Variants in SYNPO2 observed in about 807,000 individuals in gnomAD.
SYNPO2 encodes the protein synaptopodin 2, also known as synaptopodin-2.
SYNPO2 carries 56 observed loss-of-function variants against 85.0 expected under a neutral mutation model. The observed-to-expected ratio is 0.66, with a 90% confidence interval of 0.53 to 0.82. The LOEUF is 0.82. SYNPO2 is among the 40% of genes least tolerant of loss of function. The pLI is 0.00. For missense variants in SYNPO2, 1,575 were observed against 1,534.2 expected (o/e 1.03, Z -0.44); for synonymous variants, 602 against 591.1 (o/e 1.02, Z -0.27).
rs1738434670 is a variant in SYNPO2, at chr4:119,034,790, G to A, written c.3252+2763G>A. On this transcript the variant is annotated intron_variant, in intron 4 of 4. Transcript: ENST00000307142. Reference sequence around the variant, plus strand: ...GCTATATGTGCCACCTTTCAGGTTGGGGCCAAGGAAGTGATGTCAGTGTGA... The same window carrying A: ...GCTATATGTGCCACCTTTCAGGTTGAGGCCAAGGAAGTGATGTCAGTGTGA... The A allele has an allele frequency of 1.1e-5, 11 of 985,492 alleles. No homozygotes were observed. The South Asian group carries it at 1.4e-4, about 13-fold the overall frequency. The allele number at this position is 985,492 out of a possible 1,614,324, so 61.0% of individuals were successfully genotyped here.
chr4:118,955,377 TAA>T (rs906501932), intron 1 of SYNPO2, among the ~76,000 whole-genome samples: 1 of 152,192 alleles, frequency 6.6e-6, no homozygotes, highest in Non-Finnish European at 1.5e-5. Flanking sequence ...ATAGAAATGA[TAA>T]TTCAGCAATA....
chr4:118,967,082 A>G (rs572177930), intron 1 of SYNPO2, among the ~76,000 whole-genome samples: 2 of 152,348 alleles, frequency 1.3e-5, no homozygotes, highest in East Asian at 1.9e-4. Context: ...ATGAATTCTT[A>G]TAACAACCTT....
intron 4 of SYNPO2, chr4:119,034,014 T>A (rs1483519310): frequency 9.2e-5 from 91 of 985,322 alleles, no homozygotes; most frequent in Non-Finnish European, 1.1e-4. Flanking sequence ...AACCACAGGA[T>A]GTAGCTTGGT....
chr4:118,927,428 A>C (rs1473139910), intron 1 of SYNPO2, among the ~76,000 whole-genome samples: 1 of 152,144 alleles, frequency 6.6e-6, no homozygotes, highest in Non-Finnish European at 1.5e-5. Context: ...GAGGAAACTG[A>C]GGCCTAGAAA....
At chr4:118,988,312 GT>G (rs373738381) in intron 1 of SYNPO2, among the ~76,000 whole-genome samples, 5,430 of 143,636 alleles carry the variant, frequency 0.038, 140 homozygotes, top group Middle Eastern at 0.07. Context: ...ATAATTTAGT[GT>G]TTTTTTTTTT....
intron 1 of SYNPO2, among the ~76,000 whole-genome samples, chr4:119,008,523 T>C (rs1383530896): frequency 6.6e-6 from 1 of 152,032 alleles, no homozygotes; most frequent in Non-Finnish European, 1.5e-5. Flanking sequence ...GAAATTATGA[T>C]ATGTTATTAT....
Position 119,057,968 on chromosome 4 carries a change from T to C in SYNPO2, c.*34T>C, listed in dbSNP as rs1365365822. 1 of 1,555,364 alleles carries C rather than the reference T, an allele frequency of 6.4e-7. No individual in the cohort carries two copies. Among genetic ancestry groups the C allele is most frequent in the Non-Finnish European group, 8.6e-7 (1 of 1,159,714 alleles). ...AGAACGGATCATGTGCCAACTGTAGTTTTTTAAAAAAAACGCTCCTTTGTA... is the reference window on the plus strand; with the variant it reads ...AGAACGGATCATGTGCCAACTGTAGCTTTTTAAAAAAAACGCTCCTTTGTA... On this transcript the variant is annotated 3_prime_UTR_variant, in exon 5 of 5. Transcript: ENST00000307142.
intron 1 of SYNPO2, among the ~76,000 whole-genome samples, chr4:118,996,967 G>T (rs529783106): frequency 3.3e-5 from 5 of 150,564 alleles, no homozygotes; most frequent in African/African-American, 1.2e-4. Context: ...AAGGCCGGGC[G>T]CGGTGGCTCA....
intron 1 of SYNPO2, among the ~76,000 whole-genome samples, chr4:118,911,741 A>T (rs1410616799): frequency 5.3e-5 from 8 of 152,206 alleles, no homozygotes; most frequent in Non-Finnish European, 1.0e-4. Context: ...AGCTCTTTAG[A>T]TCATTAATTC....
At position 119,057,681 on chromosome 4, in the gene SYNPO2, A is replaced by G. The variant is rs546859321; in HGVS notation, c.3533A>G (p.Glu1178Gly). 15 of 1,614,198 alleles carry G rather than the reference A, an allele frequency of 9.3e-6. No homozygotes were observed. Among genetic ancestry groups the G allele is most frequent in the Admixed American group, 8.3e-5 (5 of 60,022 alleles). Residue 1178 changes from glutamate (E) to glycine (G), a missense_variant, in exon 5 of 5, where the codon GAA becomes GGA. Glu to Gly is a moderately conservative substitution (Grantham distance 98, BLOSUM62 -2). Transcript: ENST00000307142. ...CCAGGGCCTCCAGAGGATTGGAATG[A>G]AAGACTGTCCTATATTCCTCAAACC... ...VLPGPPEDWN[E>G]RLSYIPQTQK...
chr4:118,918,237 T>A (rs1733419397), intron 1 of SYNPO2, among the ~76,000 whole-genome samples: 1 of 152,188 alleles, frequency 6.6e-6, no homozygotes, highest in Non-Finnish European at 1.5e-5. Flanking sequence ...AAACCAGATG[T>A]CTTAATGTTT....
intron 1 of SYNPO2, among the ~76,000 whole-genome samples, chr4:118,913,219 G>A (rs1733199400): frequency 6.6e-6 from 1 of 152,126 alleles, no homozygotes; most frequent in Non-Finnish European, 1.5e-5. Context: ...TTAATATAAT[G>A]TATTATGAAA....
At chr4:118,885,597 C>T (rs567100739), upstream of SYNPO2, among the ~76,000 whole-genome samples, 34 of 152,062 alleles carry the variant, frequency 2.2e-4, no homozygotes, top group Non-Finnish European at 3.7e-4. Flanking sequence ...CTCAGCCTCC[C>T]GAGTAGCTGG....
In SYNPO2 at chr4:118,889,041, G is replaced by A; in HGVS notation, c.5G>A (p.Gly2Asp). 1 of 1,614,108 alleles carries A rather than the reference G, an allele frequency of 6.2e-7. No homozygotes were observed. The highest frequency in any genetic ancestry group is 1.3e-5 in the African/African-American group (1 of 75,032). Residue 2 changes from glycine (G) to aspartate (D), a missense_variant, in exon 1 of 5, where the codon GGC (glycine) becomes GAC (aspartate). Gly to Asp is a moderately conservative substitution (Grantham distance 94, BLOSUM62 -1). This residue lies in a region of SYNPO2 where 55 missense variants were observed against 55.5 expected (regional missense o/e 0.99). Coordinates refer to ENST00000307142, the MANE Select transcript of SYNPO2 (RefSeq NM_133477.3). M[G>D]TGDFICISMT... ...CTGCCCAACTAAAAGGAAAACATGG[G>A]CACAGGGGATTTTATCTGCATTTCC...
At chr4:118,954,148 G>A (rs1239639220) in intron 1 of SYNPO2, among the ~76,000 whole-genome samples, 1 of 152,150 alleles carries the variant, frequency 6.6e-6, no homozygotes, top group Non-Finnish European at 1.5e-5. Flanking sequence ...ATATTACAAA[G>A]CTGTACTTTC....
At chr4:118,865,222 C>T (rs1731679552) in intron 1 of SYNPO2, among the ~76,000 whole-genome samples, 1 of 152,196 alleles carries the variant, frequency 6.6e-6, no homozygotes, top group Non-Finnish European at 1.5e-5. Context: ...CAGCAGCTGC[C>T]ACTGGAACTC....
rs1739259507 is a variant in SYNPO2 at position 119,057,755 on chromosome 4, GCC to G, written c.3608_3609del (p.Ala1203GlufsTer2). On this transcript the variant is annotated frameshift_variant, in exon 5 of 5. Transcript: ENST00000307142. LOFTEE classifies it low-confidence loss of function (END_TRUNC). The part of the protein sequence containing the change: ...SCGRQEYNVT[A>X]NNNMSTTSQY... ...TGGAAGGCAAGAGTATAATGTCACA[GCC>G]AATAATAATATGTCCACCACCTCCC... is the stretch of plus-strand genomic sequence containing the variant. 6.2e-7 allele frequency: 1 copy of G among 1,613,976 alleles called. No individual in the cohort carries two copies. Among genetic ancestry groups the G allele is most frequent in the African/African-American group, 1.3e-5 (1 of 74,888 alleles).
intron 1 of SYNPO2, among the ~76,000 whole-genome samples, chr4:118,899,779 G>C (rs996465904): frequency 6.6e-6 from 1 of 151,932 alleles, no homozygotes; most frequent in Non-Finnish European, 1.5e-5. Context: ...TTTTGTTTTT[G>C]AGACGCAGCC....
chr4:119,033,656 T>C lies in SYNPO2; in HGVS notation c.3252+1629T>C, dbSNP rs552521181. On this transcript the variant is annotated intron_variant, in intron 4 of 4. Transcript: ENST00000307142. ...TTTTAATCTTCTGAAAATATCTGTA[T>C]TCCTGCTCTTTTTCTGCTGTCACTG... 1.3e-5 allele frequency: 13 copies of C among 985,436 alleles called. No homozygotes were observed. The East Asian group carries it at 1.4e-3, about 103-fold the overall frequency. 61.0% of individuals were successfully genotyped at this position (985,436 alleles called of 1,614,324 possible). A position where few individuals can be genotyped will look rare whatever the true frequency, so the allele number is the denominator to read the frequency against.
Sources: allele counts gnomAD v4.1 joint callset (sites outside exome capture counted in the v4.1 genomes callset), GRCh38; gene constraint gnomAD v4.1.1; regional missense constraint gnomAD v4.1.1; transcripts MANE v1.5; gene names NCBI Gene and HGNC (gene_info 2026-07-23, HGNC 2026-07-21).